Variants in MLC1 observed in about 807,000 individuals in gnomAD.
The protein encoded by MLC1 is membrane protein MLC1.
MLC1 carries 32 observed loss-of-function variants against 44.7 expected under a neutral mutation model. The ratio of observed to expected loss-of-function variants is 0.72; its 90% CI spans 0.54 to 0.96. MLC1 has a LOEUF of 0.96. Ranked by LOEUF, MLC1 falls within the 40% of genes least tolerant of loss-of-function variation. The probability of loss-of-function intolerance (pLI) is 0.00; values close to 1 mark genes in which losing one functional copy is unlikely to be tolerated. For missense variants in MLC1, 459 were observed against 492.2 expected, an observed-to-expected ratio of 0.93 and a Z score of 0.64; for synonymous variants, 190 against 213.0, an observed-to-expected ratio of 0.89 and a Z score of 0.94.
intron 3 of MLC1, among the ~76,000 whole-genome samples, chr22:50,081,356 G>GA (rs1001256356): frequency 6.6e-6 from 1 of 151,794 alleles, no homozygotes. Context: ...AAGAAAGAAA[G>GA]AAAAAAAGAA....
chr22:50,079,955 A>C lies in MLC1; in HGVS notation c.386T>G (p.Phe129Cys). The C allele has an allele frequency of 6.2e-7, 1 of 1,614,164 alleles. No homozygotes were observed. Among genetic ancestry groups the C allele is most frequent in the Non-Finnish European group, 8.5e-7 (1 of 1,179,984 alleles). The change falls in exon 5 of 12, where the codon TTT becomes TGT. Residue 129 changes from phenylalanine (F) to cysteine (C), a missense_variant. By Grantham distance (205) the Phe-to-Cys change is radical (BLOSUM62 -2). Coordinates refer to ENST00000311597, the MANE Select transcript of MLC1 (RefSeq NM_015166.4). Reference protein sequence around the residue: ...FAVTTTCLIWFGCKLVLNPSA... With the variant: ...FAVTTTCLIWCGCKLVLNPSA... ...TGGGTTCAGGACTAGTTTGCATCCA[A>C]ACCAAATTAAACACGTAGTGGTCAC...
At chr22:50,062,253 C>A (rs1390100325) in intron 11 of MLC1, among the ~76,000 whole-genome samples, 1 of 142,372 alleles carries the variant, frequency 7.0e-6, no homozygotes, top group Admixed American at 7.0e-5. Flanking sequence ...AACCGCCCAC[C>A]CTGAGCCCAA....
Position 50,084,962 on chromosome 22 carries a change from C to T in MLC1, c.-59-1G>A. The T allele has an allele frequency of 6.3e-7, 1 of 1,597,770 alleles. No individual in the cohort carries two copies. The highest frequency in any genetic ancestry group is 8.5e-7 in the Non-Finnish European group (1 of 1,177,428). ...CAGCCACGTGTCACCAGTTCTTTAT[C>T]TGGAATAAAATTATCATCGGCTTTG... On this transcript the variant is annotated splice_acceptor_variant, in intron 1 of 11. Transcript: ENST00000311597. LOFTEE classifies it low-confidence loss of function (5UTR_SPLICE).
chr22:50,078,570 G>A (rs1445660794), intron 5 of MLC1, among the ~76,000 whole-genome samples: 2 of 151,228 alleles, frequency 1.3e-5, no homozygotes, highest in East Asian at 2.0e-4. Context: ...GAAACCCCTT[G>A]TCTACTAAAA....
At position 50,083,242 on chromosome 22, in the gene MLC1, C is replaced by T. The variant is rs1019305201; in HGVS notation, c.178-69G>A. The T allele has an allele frequency of 1.2e-5, 16 of 1,390,434 alleles. No homozygotes were observed. In the Admixed American group the frequency reaches 2.5e-4, roughly 22 times the overall value. 86.1% of individuals were successfully genotyped at this position (1,390,434 alleles called of 1,614,324 possible). A position where few individuals can be genotyped will look rare whatever the true frequency, so the allele number is the denominator to read the frequency against. On this transcript the variant is annotated intron_variant, in intron 2 of 11. Transcript: ENST00000311597. This position sits in a 1 kb window ranked among gnomAD's most constrained non-coding sequence, Gnocchi z 4.6. ...CCCAGGCTGGACCCTGACCCTTCAA[C>T]TTCTGCTTCACTGTCTGTGTATTGG...
Position 50,084,937 on chromosome 22 carries a change from C to T in MLC1, c.-35G>A, listed in dbSNP as rs772792974. On this transcript the variant is annotated 5_prime_UTR_variant, in exon 2 of 12. Transcript: ENST00000311597. ...GGACACCACAGCTGTGCTGAATGTA[C>T]AGCCACGTGTCACCAGTTCTTTATC... The T allele has an allele frequency of 3.7e-6, 6 of 1,606,642 alleles. No homozygotes were observed. The highest frequency in any genetic ancestry group is 4.2e-6 in the Non-Finnish European group (5 of 1,179,780).
Position 50,084,831 on chromosome 22 carries a change from G to T in MLC1, c.72C>A (p.Asp24Glu), listed in dbSNP as rs770200030. 2 of 1,613,800 alleles carry T rather than the reference G, an allele frequency of 1.2e-6. No homozygotes were observed. Among genetic ancestry groups the T allele is most frequent in the East Asian group, 2.2e-5 (1 of 44,876 alleles). Residue 24 changes from aspartate to glutamate, a missense_variant, in exon 2 of 12, where the codon GAC (aspartate) becomes GAA (glutamate). Asp to Glu is a conservative substitution (Grantham distance 45). Coordinates refer to ENST00000311597, the MANE Select transcript of MLC1 (RefSeq NM_015166.4). ...RMPTLERGRQ[D>E]PASYAPDAKP... ...TCGCGTCTGGGGCATAGCTGGCGGG[G>T]TCTTGCCGGCCCCGCTCCAGCGTGG...
intron 1 of MLC1, 72 bp downstream of exon 1, chr22:50,085,283 G>GCTC: frequency 2.0e-6 from 2 of 978,050 alleles, no homozygotes; most frequent in Non-Finnish European, 2.6e-6. Context: ...ACGTTAAACT[G>GCTC]CTCCAATTGG....
intron 1 of MLC1, 25 bp downstream of exon 1, chr22:50,085,330 A>C (rs941324111): frequency 3.8e-6 from 2 of 525,032 alleles, no homozygotes. Flanking sequence ...GCCTCTACTC[A>C]ACGGCTTAAT....
In MLC1 at chr22:50,083,426, A is replaced by T. The variant is rs2062199292; in HGVS notation, c.178-253T>A. On this transcript the variant is annotated intron_variant, in intron 2 of 11. Transcript: ENST00000311597. This position sits in a 1 kb window ranked among gnomAD's most constrained non-coding sequence, Gnocchi z 4.6. ...ATGGACCCCCCACGCTGTTATCTGG[A>T]GGAGAGAAGAAAGGGGATCTGCCAA... Among the ~76,000 whole-genome samples, 1 of 152,054 alleles carries T rather than the reference A, an allele frequency of 6.6e-6. No individual in the cohort carries two copies. The highest frequency in any genetic ancestry group is 2.1e-4 in the South Asian group (1 of 4,824).
rs144951333 is a variant in MLC1, at chr22:50,083,305, A to G, written c.178-132T>C. 7.3e-3 allele frequency: 5,905 copies of G among 804,054 alleles called. 40 individuals are homozygous for G. Among genetic ancestry groups the G allele is most frequent in the Middle Eastern group, 0.011 (34 of 3,220 alleles). The allele number at this position is 804,054 out of a possible 1,614,324, so 49.8% of individuals were successfully genotyped here. ...GTCCCCCAGCATCAACCACACCCGC[A>G]CCTGGGACCCGCCCATCCTGGACTC... On this transcript the variant is annotated intron_variant, in intron 2 of 11. Transcript: ENST00000311597. The surrounding 1 kb of genome is among the most constrained non-coding windows in gnomAD (Gnocchi z 4.6).
Position 50,080,034 on chromosome 22 carries a change from A to G in MLC1, c.322-15T>C, listed in dbSNP as rs1569250124. On this transcript the variant is annotated splice_polypyrimidine_tract_variant and intron_variant, in intron 4 of 11. Transcript: ENST00000311597. ...AAGTTGGGAATCTGAAAAACAAGGCAGGAGGGGTTTTCCTTCTTTGAATAA... is the reference window on the plus strand; with the variant it reads ...AAGTTGGGAATCTGAAAAACAAGGCGGGAGGGGTTTTCCTTCTTTGAATAA... 1.9e-6 allele frequency: 3 copies of G among 1,584,740 alleles called. No individual in the cohort carries two copies. Among genetic ancestry groups the G allele is most frequent in the Non-Finnish European group, 2.6e-6 (3 of 1,153,286 alleles).
intron 3 of MLC1, 139 bp downstream of exon 3, chr22:50,082,945 A>G (rs2062182760): frequency 2.3e-6 from 2 of 878,320 alleles, no homozygotes; most frequent in East Asian, 2.5e-5. Context: ...CATGACAGCC[A>G]TGAGCCACTG....
intron 8 of MLC1, among the ~76,000 whole-genome samples, chr22:50,073,276 G>T (rs541742396): frequency 3.6e-4 from 55 of 152,366 alleles, no homozygotes; most frequent in African/African-American, 1.3e-3. Context: ...AAATCTAAAA[G>T]TCCACACAGC....
rs1339763256 is a variant in MLC1 at position 50,059,418 on chromosome 22, C to T, written c.*2165G>A. The T allele has an allele frequency of 6.6e-6, 1 of 152,348 alleles. No individual in the cohort carries two copies. The highest frequency in any genetic ancestry group is 1.5e-5 in the Non-Finnish European group (1 of 68,048). 9.4% of individuals were successfully genotyped at this position (152,348 alleles called of 1,614,324 possible). On this transcript the variant is annotated 3_prime_UTR_variant, in exon 12 of 12. Coordinates refer to ENST00000311597, the MANE Select transcript of MLC1 (RefSeq NM_015166.4). The stretch of plus-strand genomic sequence containing the variant: ...CGTCTGCAAGTCAGCGTTTATTGCT[C>T]AAGCGTATTAAACAAAAATGTAGAC...
chr22:50,078,680 C>T (rs1411285066), intron 5 of MLC1, among the ~76,000 whole-genome samples: 1 of 148,874 alleles, frequency 6.7e-6, no homozygotes, highest in African/African-American at 2.5e-5. Flanking sequence ...CGGAGGTTGC[C>T]GTGAGCCGAG....
At chr22:50,071,243 C>G (rs1215013173) in intron 8 of MLC1, among the ~76,000 whole-genome samples, 1 of 151,896 alleles carries the variant, frequency 6.6e-6, no homozygotes, top group South Asian at 2.1e-4. Flanking sequence ...AGGCACCCAC[C>G]ACTACACCAG....
Position 50,074,350 on chromosome 22 carries a change from G to C in MLC1, c.598-18C>G, listed in dbSNP as rs1399946653. 8.1e-6 allele frequency: 13 copies of C among 1,595,918 alleles called. No homozygotes were observed. The highest frequency in any genetic ancestry group is 1.1e-5 in the Non-Finnish European group (13 of 1,163,748). Reference sequence around the variant, plus strand: ...TCGACGACCTGGAGGGGACAGGACAGCATCGGCTCATAAGGAAGTGGAGAC... The same window carrying C: ...TCGACGACCTGGAGGGGACAGGACACCATCGGCTCATAAGGAAGTGGAGAC... On this transcript the variant is annotated intron_variant, in intron 7 of 11. Coordinates refer to ENST00000311597, the MANE Select transcript of MLC1 (RefSeq NM_015166.4).
chr22:50,077,350 G>T, intron 6 of MLC1, 51 bp downstream of exon 6: 1 of 1,528,482 alleles, frequency 6.5e-7, no homozygotes. Flanking sequence ...CGCTCACCCT[G>T]GGGTGATGCC....
Sources: gnomAD v4.1 joint callset for allele counts (sites outside exome capture counted in the v4.1 genomes callset) on GRCh38, gnomAD v4.1.1 for gene constraint, Gnocchi (gnomAD v3.1) non-coding constraint, MANE v1.5 for transcripts, NCBI Gene and HGNC (gene_info 2026-07-23, HGNC 2026-07-21) for gene names.